ARHGEF10: variants seen among roughly 807,000 people sequenced by gnomAD.
ARHGEF10 encodes the protein Rho guanine nucleotide exchange factor (GEF) 10.
Under a neutral mutation model 147.4 loss-of-function variants are expected in ARHGEF10, and 140 were observed. That is an observed-to-expected ratio of 0.95 (90% CI 0.83 to 1.09). The LOEUF is 1.09. ARHGEF10 is among the 50% of genes least tolerant of loss of function. The pLI is 0.00. For synonymous variants in ARHGEF10, 902 were observed against 695.8 expected (o/e 1.30, Z -4.67); for missense variants, 2,222 against 1,752.7 (o/e 1.27, Z -4.78).
chr8:1,903,155 T>G, intron 15 of ARHGEF10, 126 bp from the exon 16 acceptor site: 1 of 1,255,764 alleles, frequency 8.0e-7, no homozygotes, highest in Non-Finnish European at 1.2e-6. Context: ...AAGAACTGAC[T>G]TTATTTTTCC....
chr8:1,828,567 A>G (rs1802902807), intron 1 of ARHGEF10, among the ~76,000 whole-genome samples: 1 of 141,174 alleles, frequency 7.1e-6, no homozygotes, highest in African/African-American at 2.7e-5. Flanking sequence ...TTACATTTTG[A>G]TAAACTGTGG....
chr8:1,834,218 C>T (rs1740232895), intron 1 of ARHGEF10, among the ~76,000 whole-genome samples: 1 of 152,240 alleles, frequency 6.6e-6, no homozygotes, highest in Non-Finnish European at 1.5e-5. Context: ...CTGCTTGGGG[C>T]CCAGGCGGGT....
At chr8:1,894,315 G>C (rs978981608) in intron 12 of ARHGEF10, 78 bp from the exon 13 acceptor site, 4 of 1,503,676 alleles carry the variant, frequency 2.7e-6, no homozygotes, top group Non-Finnish European at 1.8e-6. Context: ...GCACCACTGC[G>C]CTGCACCCTG....
At chr8:1,850,193 G>GGCAACC (rs1804988709) in intron 2 of ARHGEF10, among the ~76,000 whole-genome samples, 3 of 137,704 alleles carry the variant, frequency 2.2e-5, no homozygotes, top group African/African-American at 7.6e-5. Flanking sequence ...GAGGGCGTGG[G>GGCAACC]GCGGCCACAT....
rs748385032 is a variant in ARHGEF10 at position 1,858,016 on chromosome 8, G to C, written c.94G>C (p.Asp32His). 2.7e-5 allele frequency: 43 copies of C among 1,613,986 alleles called. 1 individual carries two copies. In the South Asian group the frequency reaches 4.1e-4, roughly 15 times the overall value. The change falls in exon 3 of 29, where the codon GAT becomes CAT. Residue 32 changes from aspartate (D) to histidine (H), a missense_variant. Physicochemically the swap from Asp to His is moderately conservative, Grantham distance 81. Coordinates refer to ENST00000349830, the MANE Select transcript of ARHGEF10 (RefSeq NM_014629.4). ...TGAAGAGGAAGAGGGAGAACAGTTC[G>C]ATTTTGACAGTGGAGATGAAATCCC... ...NNEEEEGEQF[D>H]FDSGDEIPEA...
At chr8:1,858,998 T>G (rs1333893266) in intron 3 of ARHGEF10, among the ~76,000 whole-genome samples, 3 of 152,024 alleles carry the variant, frequency 2.0e-5, no homozygotes, top group African/African-American at 7.2e-5. Flanking sequence ...CATGGTTTCT[T>G]TGTGCGTAGC....
At chr8:1,886,078 T>C (rs576014165) in intron 11 of ARHGEF10, among the ~76,000 whole-genome samples, 1 of 152,322 alleles carries the variant, frequency 6.6e-6, no homozygotes, top group East Asian at 1.9e-4. Context: ...AGTATGTGTA[T>C]GTAGCTACCT....
chr8:1,836,124 T>G (rs11988975), intron 1 of ARHGEF10, among the ~76,000 whole-genome samples: 90,054 of 149,960 alleles, frequency 0.6, 27,239 homozygotes, highest in Middle Eastern at 0.72. Context: ...GAGCTTGCAG[T>G]GAGCCGAGAT....
At chr8:1,829,059 C>G (rs1186988568) in intron 1 of ARHGEF10, among the ~76,000 whole-genome samples, 1 of 152,250 alleles carries the variant, frequency 6.6e-6, no homozygotes, top group Non-Finnish European at 1.5e-5. Flanking sequence ...GGAGAGGAAG[C>G]AGGCGGCAGG....
intron 6 of ARHGEF10, among the ~76,000 whole-genome samples, chr8:1,868,920 G>A (rs565554075): frequency 6.6e-6 from 1 of 152,136 alleles, no homozygotes; most frequent in South Asian, 2.1e-4. Flanking sequence ...TTTTACAGCT[G>A]GTCCATTTAA....
chr8:1,886,508 G>C (rs976825775), intron 11 of ARHGEF10, among the ~76,000 whole-genome samples: 1 of 152,174 alleles, frequency 6.6e-6, no homozygotes, highest in Non-Finnish European at 1.5e-5. Flanking sequence ...GGATACCTGC[G>C]AGCTGTTCAT....
intron 7 of ARHGEF10, among the ~76,000 whole-genome samples, chr8:1,875,077 G>A (rs111677861): frequency 3.5e-4 from 10 of 28,580 alleles, no homozygotes; most frequent in East Asian, 0.01. Flanking sequence ...ACACCACGGC[G>A]TGTAGGGGGT....
At chr8:1,864,218 G>C (rs1490685614) in intron 4 of ARHGEF10, among the ~76,000 whole-genome samples, 155 bp from the exon 5 acceptor site, 1 of 152,176 alleles carries the variant, frequency 6.6e-6, no homozygotes, top group Non-Finnish European at 1.5e-5. Context: ...TTTTATCTAA[G>C]AGCTAAAAAT....
chr8:1,929,145 A>G (rs2129225275), intron 24 of ARHGEF10, 141 bp from the exon 25 acceptor site: 1 of 907,328 alleles, frequency 1.1e-6, no homozygotes, highest in East Asian at 2.6e-5. Flanking sequence ...AAATTTTTTA[A>G]AAGTACTGGC....
intron 25 of ARHGEF10, among the ~76,000 whole-genome samples, chr8:1,932,176 A>G (rs1813199781): frequency 2.0e-5 from 3 of 152,150 alleles, no homozygotes; most frequent in South Asian, 2.1e-4. Context: ...CTGAGCCCAC[A>G]TATTTCTGGA....
chr8:1,823,464 C>T (rs1802522775), upstream of ARHGEF10, among the ~76,000 whole-genome samples: 1 of 151,688 alleles, frequency 6.6e-6, no homozygotes, highest in South Asian at 2.1e-4. Flanking sequence ...GGGGGAGCGT[C>T]TGCCCGACGC....
At chr8:1,893,446 C>G in intron 11 of ARHGEF10, 123 bp from the exon 12 acceptor site, 1 of 709,024 alleles carries the variant, frequency 1.4e-6, no homozygotes, top group Non-Finnish European at 2.6e-6. Flanking sequence ...ATTAGGCTAC[C>G]CTTGTGCACT....
At position 1,958,180 on chromosome 8, in the gene ARHGEF10, C is replaced by G. The variant is rs1815726642; in HGVS notation, c.*917C>G. ...CTGTGTCTGCTTTAGCACGCACGCT[C>G]CGAATGACTCCTGGTGCTAGGCCAT... On this transcript the variant is annotated 3_prime_UTR_variant, in exon 29 of 29. Transcript: ENST00000349830. 6.6e-6 allele frequency: 1 copy of G among 152,264 alleles called. No individual in the cohort carries two copies. Among genetic ancestry groups the G allele is most frequent in the African/African-American group, 2.4e-5 (1 of 41,474 alleles). 9.4% of individuals were successfully genotyped at this position (152,264 alleles called of 1,614,324 possible). A position where few individuals can be genotyped will look rare whatever the true frequency, so the allele number is the denominator to read the frequency against.
chr8:1,864,586 C>T (rs1364660322), intron 5 of ARHGEF10, 150 bp downstream of exon 5: 18 of 786,382 alleles, frequency 2.3e-5, no homozygotes, highest in Non-Finnish European at 3.1e-5. Context: ...CGGGTCCCTC[C>T]CAGGCGAGTG....
Sources: gnomAD v4.1 joint callset for allele counts (sites outside exome capture counted in the v4.1 genomes callset) on GRCh38, gnomAD v4.1.1 for gene constraint, MANE v1.5 for transcripts, NCBI Gene and HGNC (gene_info 2026-07-23, HGNC 2026-07-21) for gene names.